The following NUBPL variants were observed in gnomAD, a reference collection of about 807,000 sequenced individuals.
NUBPL encodes iron-sulfur cluster transfer protein NUBPL.
In NUBPL, 31 loss-of-function variants were observed where a neutral mutation model predicts 45.7. The ratio of observed to expected loss-of-function variants is 0.68; its 90% CI spans 0.51 to 0.92. NUBPL has a LOEUF of 0.92. Among genes scored for constraint, NUBPL ranks in the 40% least tolerant of loss-of-function variants. The pLI, the probability that NUBPL is intolerant of heterozygous loss-of-function variation, is 0.00. For missense variants in NUBPL, 401 were observed against 398.7 expected (o/e 1.01, Z -0.05); for synonymous variants, 144 against 140.9 (o/e 1.02, Z -0.15).
intron 6 of NUBPL, among the ~76,000 whole-genome samples, chr14:31,750,729 G>A (rs1324884728): frequency 6.6e-6 from 1 of 151,552 alleles, no homozygotes; most frequent in African/African-American, 2.4e-5. Context: ...TGTCATGTTG[G>A]ATGTGTAGGG....
At chr14:31,641,478 C>T (rs2035697429) in intron 4 of NUBPL, among the ~76,000 whole-genome samples, 1 of 152,124 alleles carries the variant, frequency 6.6e-6, no homozygotes, top group Admixed American at 6.6e-5. Flanking sequence ...TGACCTCCAG[C>T]TTCACTCATG....
intron 8 of NUBPL, among the ~76,000 whole-genome samples, chr14:31,829,454 A>G (rs1411726991): frequency 6.6e-6 from 1 of 152,172 alleles, no homozygotes; most frequent in African/African-American, 2.4e-5. Context: ...ATGATTAGCT[A>G]CATTGTAAAG....
At chr14:31,758,534 G>GT (rs1413329307) in intron 6 of NUBPL, among the ~76,000 whole-genome samples, 34 of 152,148 alleles carry the variant, frequency 2.2e-4, no homozygotes, top group South Asian at 1.0e-3. Flanking sequence ...GTTTAAGGCT[G>GT]TTTTTTATAT....
At chr14:31,851,236 T>C (rs2040533401) in intron 10 of NUBPL, among the ~76,000 whole-genome samples, 1 of 80,864 alleles carries the variant, frequency 1.2e-5, no homozygotes. Context: ...ATAGTTTTTC[T>C]TTTTTTTTTT....
chr14:31,611,574 A>G (rs1035435288), intron 4 of NUBPL, among the ~76,000 whole-genome samples: 11 of 152,176 alleles, frequency 7.2e-5, no homozygotes, highest in Admixed American at 2.6e-4. Flanking sequence ...AAACAATTCT[A>G]CTATTTATAT....
intron 6 of NUBPL, among the ~76,000 whole-genome samples, chr14:31,691,071 A>T (rs200048329): frequency 7.7e-4 from 1 of 1,292 alleles, no homozygotes; most frequent in African/African-American, 1.5e-3. Flanking sequence ...AGAAAAAAAA[A>T]TCAGAAATTA....
At chr14:31,840,066 A>G (rs774862413) in intron 8 of NUBPL, among the ~76,000 whole-genome samples, 45 of 152,308 alleles carry the variant, frequency 3.0e-4, no homozygotes, top group Admixed American at 7.2e-4. Context: ...AAAATTAACT[A>G]TACAACTACC....
chr14:31,777,056 C>CTGAT (rs900408501), intron 6 of NUBPL, among the ~76,000 whole-genome samples: 2 of 152,186 alleles, frequency 1.3e-5, no homozygotes, highest in African/African-American at 4.8e-5. Context: ...TTGCTTAGTT[C>CTGAT]TGATTGATTG....
At chr14:31,657,653 C>T (rs2036172744) in intron 4 of NUBPL, among the ~76,000 whole-genome samples, 1 of 152,260 alleles carries the variant, frequency 6.6e-6, no homozygotes, top group South Asian at 2.1e-4. Flanking sequence ...GCATTTTGGT[C>T]ACTATAACAA....
intron 6 of NUBPL, among the ~76,000 whole-genome samples, chr14:31,735,582 G>A (rs528993905): frequency 1.1e-4 from 17 of 152,146 alleles, no homozygotes; most frequent in Admixed American, 2.6e-4. Context: ...GGCCAGGCGC[G>A]GTGGCTCACG....
chr14:31,707,964 T>C (rs536279545), intron 6 of NUBPL, among the ~76,000 whole-genome samples: 1 of 152,258 alleles, frequency 6.6e-6, no homozygotes, highest in Non-Finnish European at 1.5e-5. Context: ...GGACATGTGG[T>C]CTGTGGGATC....
At chr14:31,717,319 T>C (rs1031969720) in intron 6 of NUBPL, among the ~76,000 whole-genome samples, 2 of 152,234 alleles carry the variant, frequency 1.3e-5, no homozygotes, top group African/African-American at 4.8e-5. Flanking sequence ...TTAGCTTAGA[T>C]GTTACTCCTT....
intron 6 of NUBPL, among the ~76,000 whole-genome samples, chr14:31,687,644 G>A (rs1196182323): frequency 2.6e-5 from 4 of 152,146 alleles, no homozygotes; most frequent in African/African-American, 7.2e-5. Context: ...TGATCTCTGC[G>A]TGAGCAGTTC....
At chr14:31,854,225 C>T (rs1274910237) in intron 10 of NUBPL, among the ~76,000 whole-genome samples, 2 of 152,100 alleles carry the variant, frequency 1.3e-5, no homozygotes, top group Admixed American at 6.5e-5. Context: ...AATGGCATAG[C>T]GGACAGTAGG....
chr14:31,676,978 T>C (rs2036715070), intron 6 of NUBPL, among the ~76,000 whole-genome samples: 1 of 151,992 alleles, frequency 6.6e-6, no homozygotes, highest in African/African-American at 2.4e-5. Flanking sequence ...TCTTTGCCTG[T>C]TTACCCCAAG....
rs1047368889 is a variant in NUBPL at position 31,562,607 on chromosome 14, T to G, written c.256+392T>G. ...CATCTAGTAACTTTTTTTTTTTGTT[T>G]TTTTTTTTTTTTTTGAGACGGAATC... On this transcript the variant is annotated intron_variant, in intron 2 of 10. Transcript: ENST00000281081. 2.4e-3 allele frequency among the ~76,000 whole-genome samples: 259 copies of G among 106,050 alleles called. 1 individual carries two copies. The East Asian group carries it at 0.046, about 19-fold the overall frequency. 69.6% of individuals were successfully genotyped at this position (106,050 alleles called of 152,430 possible). A position where few individuals can be genotyped will look rare whatever the true frequency, so the allele number is the denominator to read the frequency against.
At chr14:31,658,751 A>G (rs1383392182) in intron 4 of NUBPL, among the ~76,000 whole-genome samples, 2 of 152,012 alleles carry the variant, frequency 1.3e-5, no homozygotes, top group Non-Finnish European at 2.9e-5. Flanking sequence ...ACCTCAAGTG[A>G]TCCACCTGCC....
intron 6 of NUBPL, among the ~76,000 whole-genome samples, chr14:31,722,635 T>G (rs544360066): frequency 6.6e-6 from 1 of 152,292 alleles, no homozygotes; most frequent in East Asian, 1.9e-4. Flanking sequence ...CCATTCTGAT[T>G]GGTGTGAGAT....
intron 6 of NUBPL, among the ~76,000 whole-genome samples, chr14:31,674,245 A>G (rs2036639755): frequency 6.6e-6 from 1 of 152,206 alleles, no homozygotes. Context: ...TCATCAACTT[A>G]TAACAGTTAC....
Sources: allele counts gnomAD v4.1 joint callset (sites outside exome capture counted in the v4.1 genomes callset), GRCh38; gene constraint gnomAD v4.1.1; transcripts MANE v1.5; gene names NCBI Gene and HGNC (gene_info 2026-07-23, HGNC 2026-07-21).